UNC80: variants seen among roughly 807,000 people sequenced by gnomAD.
The protein encoded by UNC80 is unc-80 subunit of NALCN channel complex, also known as protein unc-80 homolog.
Under a neutral mutation model 384.6 loss-of-function variants are expected in UNC80, and 164 were observed. That is an observed-to-expected ratio of 0.43 (90% CI 0.38 to 0.49). The LOEUF is 0.49. Among genes scored for constraint, UNC80 ranks in the 20% least tolerant of loss-of-function variants. The pLI is 0.00. For synonymous variants in UNC80, 1,486 were observed against 1,527.8 expected, an observed-to-expected ratio of 0.97 and a Z score of 0.64; for missense variants, 3,330 against 4,143.0, an observed-to-expected ratio of 0.80 and a Z score of 5.39.
intron 52 of UNC80, chr2:209,969,331 T>G: frequency 6.3e-6 from 1 of 158,870 alleles, no homozygotes; most frequent in Non-Finnish European, 1.4e-5. Context: ...TTGGCAGGAG[T>G]TAAGCTATAT....
At chr2:209,952,600 G>A (rs1168606381) in intron 47 of UNC80, among the ~76,000 whole-genome samples, 1 of 152,092 alleles carries the variant, frequency 6.6e-6, no homozygotes, top group African/African-American at 2.4e-5. Flanking sequence ...ATTTACAAAC[G>A]AGCAGATGCC....
Position 209,976,023 on chromosome 2 carries a change from A to T in UNC80, c.8588-96A>T. ...ACATGGAGAGAGCTTAGAAATTTAG[A>T]AAATTTCTAAAGGTGCATAAAGGGC... On this transcript the variant is annotated intron_variant, in intron 56 of 64. Transcript: ENST00000673920. This position sits in a 1 kb window ranked among gnomAD's most constrained non-coding sequence, Gnocchi z 4.3. The T allele has an allele frequency of 7.5e-7, 1 of 1,325,480 alleles. No homozygotes were observed. Among genetic ancestry groups the T allele is most frequent in the Non-Finnish European group, 1.0e-6 (1 of 994,610 alleles). The allele number at this position is 1,325,480 out of a possible 1,614,324, so 82.1% of individuals were successfully genotyped here.
intron 14 of UNC80, among the ~76,000 whole-genome samples, chr2:209,828,015 C>A (rs1015543564): frequency 6.6e-6 from 1 of 152,128 alleles, no homozygotes; most frequent in Non-Finnish European, 1.5e-5. Flanking sequence ...GTTTGATATT[C>A]TTAGGCTTGC....
At chr2:209,877,891 T>G in intron 23 of UNC80, 63 bp from the exon 24 acceptor site, 40 of 1,437,292 alleles carry the variant, frequency 2.8e-5, no homozygotes, top group Non-Finnish European at 3.4e-5. Flanking sequence ...TGATGTAATG[T>G]GAGAGCCTAT....
At chr2:209,884,470 AT>A (rs1310310929) in intron 25 of UNC80, among the ~76,000 whole-genome samples, 1 of 152,228 alleles carries the variant, frequency 6.6e-6, no homozygotes, top group Non-Finnish European at 1.5e-5. Flanking sequence ...TTATAAAAAA[AT>A]ATACTGCTGA....
Position 209,954,154 on chromosome 2 carries a change from A to G in UNC80, c.7341A>G (p.Leu2447=). 2 of 1,551,146 alleles carry G rather than the reference A, an allele frequency of 1.3e-6. No homozygotes were observed. Among genetic ancestry groups the G allele is most frequent in the African/African-American group, 1.4e-5 (1 of 73,132 alleles). The change falls in exon 48 of 65, where the codon CTA becomes CTG. Residue 2447 remains leucine (L), a synonymous_variant. Transcript: ENST00000673920. ...EALVPCYLQK[L]KRQTSQVETV... is the part of the protein sequence containing the mutation. Reference sequence around the variant, plus strand: ...TAGTTCCATGTTACCTACAAAAGCTAAAGAGGCAGACATCACAGGTGGAGA... The same window carrying G: ...TAGTTCCATGTTACCTACAAAAGCTGAAGAGGCAGACATCACAGGTGGAGA...
intron 59 of UNC80, 85 bp downstream of exon 59, chr2:209,978,793 T>G: frequency 7.9e-7 from 1 of 1,260,306 alleles, no homozygotes; most frequent in African/African-American, 1.5e-5. Context: ...CCTTCTGACC[T>G]TTTCCGCTTC....
chr2:209,865,153 G>A (rs1321856708), intron 22 of UNC80, among the ~76,000 whole-genome samples: 1 of 152,100 alleles, frequency 6.6e-6, no homozygotes, highest in East Asian at 1.9e-4. Flanking sequence ...TCTCTCCACG[G>A]GTCACGGCAG....
chr2:209,967,753 G>T, intron 52 of UNC80, 116 bp downstream of exon 52: 1 of 994,824 alleles, frequency 1.0e-6, no homozygotes. Flanking sequence ...GTTTTCTTTG[G>T]TATATGTGCA....
At chr2:209,832,059 A>G (rs2081010349) in intron 16 of UNC80, among the ~76,000 whole-genome samples, 2 of 152,328 alleles carry the variant, frequency 1.3e-5, no homozygotes, top group South Asian at 4.1e-4. Context: ...ACTGTTAATT[A>G]AACCACTGAA....
intron 56 of UNC80, among the ~76,000 whole-genome samples, chr2:209,973,677 A>T (rs1396665361): frequency 6.6e-6 from 1 of 152,210 alleles, no homozygotes; most frequent in Non-Finnish European, 1.5e-5. Context: ...AGTAGCTGTT[A>T]TAAGATCTAA....
At position 209,896,375 on chromosome 2, in the gene UNC80, G is replaced by T. The variant is rs553977942; in HGVS notation, c.4543G>T (p.Ala1515Ser). The T allele has an allele frequency of 3.2e-6, 5 of 1,551,450 alleles. No homozygotes were observed. In the African/African-American group the frequency reaches 6.9e-5, roughly 21 times the overall value. The stretch of plus-strand genomic sequence containing the variant: ...GCCAGAGGGAATGAGTAATGCCGGC[G>T]CGGAGGAGAATTACCACAGAAACAT... ...IEPEGMSNAG[A>S]EENYHRNMSW... Residue 1515 changes from alanine to serine, a missense_variant, in exon 28 of 65, where the codon GCG (alanine) becomes TCG (serine). Ala to Ser is a moderately conservative substitution (Grantham distance 99). Transcript: ENST00000673920.
At chr2:209,797,056 A>C (rs1170460835) in intron 7 of UNC80, among the ~76,000 whole-genome samples, 1 of 152,168 alleles carries the variant, frequency 6.6e-6, no homozygotes, top group Non-Finnish European at 1.5e-5. Flanking sequence ...ATTTCATATA[A>C]ATGAATTCAT....
intron 22 of UNC80, among the ~76,000 whole-genome samples, chr2:209,866,348 G>T (rs116630360): frequency 0.013 from 1,959 of 151,922 alleles, 48 homozygotes; most frequent in African/African-American, 0.043. Context: ...AACTGTGTCT[G>T]ATCCCTTGGT....
chr2:209,809,375 G>C, intron 7 of UNC80: 1 of 995,442 alleles, frequency 1.0e-6, no homozygotes, highest in South Asian at 1.3e-5. Flanking sequence ...CTGCTGCGGG[G>C]CCATGTCCGG....
intron 31 of UNC80, 30 bp from the exon 32 acceptor site, chr2:209,917,747 C>A: frequency 6.5e-7 from 1 of 1,550,272 alleles, no homozygotes; most frequent in Middle Eastern, 1.7e-4. Flanking sequence ...ATTTTAAAAG[C>A]ATAGCTGATG....
In UNC80 at chr2:209,799,070, AAAAAT is replaced by A. The variant is rs888950024; in HGVS notation, c.938+5219_938+5223del. ...ATTTATTTTAAATTCATTATTTTAA[AAAAAT>A]AAAATAAGTGTTTTTTTTTTTTCTA... On this transcript the variant is annotated intron_variant, in intron 7 of 64. Coordinates refer to ENST00000673920, the MANE Select transcript of UNC80 (RefSeq NM_001371986.1). 3.3e-4 allele frequency among the ~76,000 whole-genome samples: 34 copies of A among 104,352 alleles called. 1 individual carries two copies. In the Admixed American group the frequency reaches 4.3e-3, roughly 13 times the overall value. 68.5% of individuals were successfully genotyped at this position (104,352 alleles called of 152,430 possible).
chr2:209,808,759 T>C (rs977740005), intron 7 of UNC80: 3 of 42,248 alleles, frequency 7.1e-5, no homozygotes, highest in Non-Finnish European at 1.1e-4. Context: ...GTGGGTCGCC[T>C]GCGCTACTTC....
chr2:209,801,499 C>T (rs952798581), intron 7 of UNC80, among the ~76,000 whole-genome samples: 39 of 149,056 alleles, frequency 2.6e-4, no homozygotes, highest in African/African-American at 8.1e-4. Context: ...TCTCCTGCCT[C>T]AGCCTCCCGA....
Sources: gnomAD v4.1 joint callset for allele counts (sites outside exome capture counted in the v4.1 genomes callset) on GRCh38, gnomAD v4.1.1 for gene constraint, Gnocchi (gnomAD v3.1) non-coding constraint, MANE v1.5 for transcripts, NCBI Gene and HGNC (gene_info 2026-07-23, HGNC 2026-07-21) for gene names.